Variants in BAZ2A observed in about 807,000 individuals in gnomAD.
The protein encoded by BAZ2A is bromodomain adjacent to zinc finger domain 2A.
Under a neutral mutation model 199.9 loss-of-function variants are expected in BAZ2A, and 34 were observed. The observed-to-expected ratio is 0.17, with a 90% CI of 0.13 to 0.23. The LOEUF is 0.23. BAZ2A is among the 10% of genes least tolerant of loss of function. The pLI is 1.00. For missense variants in BAZ2A, 2,002 were observed against 2,391.1 expected (o/e 0.84, Z 3.39); for synonymous variants, 857 against 883.9 (o/e 0.97, Z 0.54).
At chr12:56,627,865 G>T (rs1951155115) in intron 1 of BAZ2A, among the ~76,000 whole-genome samples, 2 of 148,112 alleles carry the variant, frequency 1.4e-5, no homozygotes, top group African/African-American at 5.0e-5. Flanking sequence ...GAAAAGAAAA[G>T]AGAGAGAGAA....
chr12:56,603,002 G>A (rs923612849), intron 18 of BAZ2A, 145 bp from the exon 19 acceptor site: 1 of 1,090,308 alleles, frequency 9.2e-7, no homozygotes, highest in African/African-American at 1.6e-5. Flanking sequence ...AGGTGATTAA[G>A]TTTGGGAGCG....
At chr12:56,619,464 ATGCCAC>A (rs1365006122) in intron 1 of BAZ2A, among the ~76,000 whole-genome samples, 4 of 148,476 alleles carry the variant, frequency 2.7e-5, no homozygotes, top group Non-Finnish European at 6.0e-5. Context: ...AACCATGATC[ATGCCAC>A]TGCACTCCAG....
chr12:56,611,819 A>G lies in BAZ2A; in HGVS notation c.1563T>C (p.Ala521=). The G allele has an allele frequency of 1.3e-6, 2 of 1,571,350 alleles. No homozygotes were observed. The highest frequency in any genetic ancestry group is 1.4e-5 in the African/African-American group (1 of 73,502). The change falls in exon 6 of 29, where the codon GCT becomes GCC. Residue 521 remains alanine, a synonymous_variant. Coordinates refer to ENST00000549884, the MANE Select transcript of BAZ2A (RefSeq NM_001300905.2). ...CTTCTCCAGTGATCTCTTCCACGTC[A>G]GCAGTGGTTTCTAGAAAGCTGCTGA... The part of the protein sequence containing the change: ...KDVSSFLETT[A]DVEEITGEGL...
chr12:56,629,018 CA>C (rs1951202693), intron 1 of BAZ2A, among the ~76,000 whole-genome samples: 2 of 145,262 alleles, frequency 1.4e-5, no homozygotes, highest in Admixed American at 1.4e-4. Context: ...TTCCAGTTGA[CA>C]AGTTTACAAA....
At chr12:56,620,404 G>A (rs1322219860) in intron 1 of BAZ2A, among the ~76,000 whole-genome samples, 1 of 152,026 alleles carries the variant, frequency 6.6e-6, no homozygotes, top group Non-Finnish European at 1.5e-5. Context: ...GGGAGGCTGA[G>A]GCAGGAGGAT....
At chr12:56,636,451 G>T, upstream of BAZ2A, 1 of 1,171,332 alleles carries the variant, frequency 8.5e-7, no homozygotes. Context: ...GGACAGGGCA[G>T]ACCAGGAGAA....
At chr12:56,618,281 A>G (rs1212832038) in intron 1 of BAZ2A, among the ~76,000 whole-genome samples, 2 of 152,168 alleles carry the variant, frequency 1.3e-5, no homozygotes, top group Non-Finnish European at 2.9e-5. Context: ...CTAATGTTTT[A>G]GTTTTGTGGC....
chr12:56,609,819 C>T lies in BAZ2A; in HGVS notation c.2009G>A (p.Gly670Asp). ...TTTGACCTTAGGTGGCCGACCTCGACCCCGTTTCACCTTGGGGACTTCCTT... is the reference window on the plus strand; with the variant it reads ...TTTGACCTTAGGTGGCCGACCTCGATCCCGTTTCACCTTGGGGACTTCCTT... ...KTKEVPKVKR[G>D]RGRPPKVKIT... Residue 670 changes from glycine to aspartate, a missense_variant, in exon 10 of 29, where the codon GGT becomes GAT. Physicochemically the swap from Gly to Asp is moderately conservative, Grantham distance 94. This residue lies in a region of BAZ2A where 1,081 missense variants were observed against 1,274.7 expected (regional missense o/e 0.85). Transcript: ENST00000549884. 6.2e-7 allele frequency: 1 copy of T among 1,613,906 alleles called. No homozygotes were observed. Among genetic ancestry groups the T allele is most frequent in the Non-Finnish European group, 8.5e-7 (1 of 1,179,856 alleles).
At chr12:56,616,071 T>C (rs1950712131) in intron 2 of BAZ2A, among the ~76,000 whole-genome samples, 2 of 151,974 alleles carry the variant, frequency 1.3e-5, no homozygotes, top group Non-Finnish European at 2.9e-5. Flanking sequence ...GCCCGGCTAA[T>C]TTTTGTATTT....
At chr12:56,620,906 G>T (rs936056042) in intron 1 of BAZ2A, among the ~76,000 whole-genome samples, 1 of 152,116 alleles carries the variant, frequency 6.6e-6, no homozygotes, top group African/African-American at 2.4e-5. Flanking sequence ...GCAGTAGGGG[G>T]TCTGAAAGAT....
Position 56,611,888 on chromosome 12 carries a change from G to A in BAZ2A, c.1494C>T (p.Ser498=). The A allele has an allele frequency of 6.2e-7, 1 of 1,606,442 alleles. No individual in the cohort carries two copies. Among genetic ancestry groups the A allele is most frequent in the South Asian group, 1.1e-5 (1 of 90,194 alleles). The change falls in exon 6 of 29, where the codon TCC becomes TCT. Residue 498 remains serine, a synonymous_variant. Coordinates refer to ENST00000549884, the MANE Select transcript of BAZ2A (RefSeq NM_001300905.2). ...AGGCTGTTGGAAAGGCAGCTGCTGG[G>A]GAAGTTACGGGAGAGGCTTTTGGGG... ...VTSPKASPVT[S]PAAAFPTASP...
intron 19 of BAZ2A, 31 bp from the exon 20 acceptor site, chr12:56,602,223 T>A (rs760431990): frequency 2.0e-6 from 3 of 1,515,998 alleles, no homozygotes; most frequent in Non-Finnish European, 2.7e-6. Context: ...TTAAGCCATA[T>A]GCTGACATAC....
At chr12:56,623,741 C>T (rs1950996650) in intron 1 of BAZ2A, among the ~76,000 whole-genome samples, 1 of 152,084 alleles carries the variant, frequency 6.6e-6, no homozygotes, top group Non-Finnish European at 1.5e-5. Flanking sequence ...CGTCCTTCAA[C>T]AAACAGGACA....
Position 56,601,418 on chromosome 12 carries a change from G to C in BAZ2A, c.4072-16C>G, listed in dbSNP as rs932082104. On this transcript the variant is annotated splice_polypyrimidine_tract_variant and intron_variant, in intron 20 of 28. Transcript: ENST00000549884. ...GTCTATTCATCTGTGAATAAAATGA[G>C]ACATAAGGAAATGAGGATGTTTTCA... 2.5e-6 allele frequency: 4 copies of C among 1,607,832 alleles called. No homozygotes were observed. In the African/African-American group the frequency reaches 5.3e-5, roughly 21 times the overall value.
At chr12:56,608,559 AT>A (rs1238181927) in intron 10 of BAZ2A, among the ~76,000 whole-genome samples, 1 of 151,730 alleles carries the variant, frequency 6.6e-6, no homozygotes, top group African/African-American at 2.4e-5. Context: ...AGTGCCTATT[AT>A]TATTATTATA....
chr12:56,605,137 T>C lies in BAZ2A; in HGVS notation c.2684A>G (p.Gln895Arg), dbSNP rs746668738. The C allele has an allele frequency of 6.2e-7, 1 of 1,613,860 alleles. No homozygotes were observed. The highest frequency in any genetic ancestry group is 8.5e-7 in the Non-Finnish European group (1 of 1,179,818). ...CTTCAGCAGCCTGACCAGCAGGTCT[T>C]GCACCTCACCCAAGCTGTCACCTTG... ...LCQGDSLGEV[Q>R]DLLVRLLKAA... The change falls in exon 14 of 29, where the codon CAA becomes CGA. Residue 895 changes from glutamine to arginine, a missense_variant. By Grantham distance (43) the Gln-to-Arg change is conservative (BLOSUM62 1). Around this residue, in one of 6 missense-constraint regions of BAZ2A, gnomAD observed 1,081 missense variants for 1,274.7 expected, o/e 0.85. Transcript: ENST00000549884.
Position 56,598,550 on chromosome 12 carries a change from G to A in BAZ2A, c.*68C>T, listed in dbSNP as rs570124480. On this transcript the variant is annotated 3_prime_UTR_variant, in exon 29 of 29. Coordinates refer to ENST00000549884, the MANE Select transcript of BAZ2A (RefSeq NM_001300905.2). ...TGGACCCAGGGCAGCATCAGCAGGT[G>A]AAAATGGCAGGTTTTTGTTTGGAAG... 8 of 1,555,568 alleles carry A rather than the reference G, an allele frequency of 5.1e-6. No homozygotes were observed. In the South Asian group the frequency reaches 9.5e-5, roughly 18 times the overall value.
At chr12:56,625,345 AG>A (rs1263359534) in intron 1 of BAZ2A, among the ~76,000 whole-genome samples, 1 of 151,624 alleles carries the variant, frequency 6.6e-6, no homozygotes, top group Non-Finnish European at 1.5e-5. Flanking sequence ...TAGTAGAGAC[AG>A]GGTTTCACCA....
At chr12:56,633,934 T>C (rs994885752), upstream of BAZ2A, among the ~76,000 whole-genome samples, 1 of 152,162 alleles carries the variant, frequency 6.6e-6, no homozygotes, top group Non-Finnish European at 1.5e-5. Flanking sequence ...GGTTTTGCCA[T>C]GTTGCCCAAG....
Sources: allele counts gnomAD v4.1 joint callset (sites outside exome capture counted in the v4.1 genomes callset), GRCh38; gene constraint gnomAD v4.1.1; regional missense constraint gnomAD v4.1.1; transcripts MANE v1.5; gene names NCBI Gene and HGNC (gene_info 2026-07-23, HGNC 2026-07-21).